PRRC2B: variants seen among roughly 807,000 people sequenced by gnomAD.
The protein encoded by PRRC2B is proline rich coiled-coil 2B, also known as protein PRRC2B.
In PRRC2B, 68 loss-of-function variants were observed where a neutral mutation model predicts 242.3. The ratio of observed to expected loss-of-function variants is 0.28; its 90% CI spans 0.23 to 0.34. The LOEUF (loss-of-function observed/expected upper bound fraction) is 0.34. Ranked by LOEUF, PRRC2B falls within the 10% of genes least tolerant of loss-of-function variation. PRRC2B has a pLI of 1.00. For synonymous variants in PRRC2B, 1,228 were observed against 1,173.6 expected (o/e 1.05, Z -0.95); for missense variants, 2,835 against 2,954.8 (o/e 0.96, Z 0.94).
In PRRC2B at chr9:131,477,854, C is replaced by G. The variant is rs770636319; in HGVS notation, c.4517C>G (p.Ala1506Gly). The G allele has an allele frequency of 6.2e-7, 1 of 1,613,910 alleles. No homozygotes were observed. Among genetic ancestry groups the G allele is most frequent in the Non-Finnish European group, 8.5e-7 (1 of 1,179,830 alleles). Residue 1506 changes from alanine (A) to glycine (G), a missense_variant, in exon 17 of 32, where the codon GCC becomes GGC. This residue lies in a region of PRRC2B where 1,536 missense variants were observed against 1,483.1 expected (regional missense o/e 1.04). Transcript: ENST00000683519. ...AAHASADLPE[A>G]SSKKAEKEAK... ...CATGCCAGTGCTGACCTTCCCGAAGCCTCCAGTAAAAAGGCAGAGAAGGAG... is the reference window on the plus strand; with the variant it reads ...CATGCCAGTGCTGACCTTCCCGAAGGCTCCAGTAAAAAGGCAGAGAAGGAG...
Position 131,459,258 on chromosome 9 carries a change from G to A in PRRC2B, c.1306G>A (p.Ala436Thr), listed in dbSNP as rs920899776. The A allele has an allele frequency of 1.2e-6, 2 of 1,613,878 alleles. No homozygotes were observed. Among genetic ancestry groups the A allele is most frequent in the Non-Finnish European group, 1.7e-6 (2 of 1,179,894 alleles). ...GACTCGAGAGGAAGGGAAGGACTGGGCTGAAGCAGTGGGTGCGTCCCGTGT... is the reference window on the plus strand; with the variant it reads ...GACTCGAGAGGAAGGGAAGGACTGGACTGAAGCAGTGGGTGCGTCCCGTGT... Reference protein sequence around the residue: ...KRTREEGKDWAEAVGASRVVR... With the variant: ...KRTREEGKDWTEAVGASRVVR... Residue 436 changes from alanine to threonine, a missense_variant, in exon 11 of 32, where the codon GCT becomes ACT. Transcript: ENST00000683519.
At chr9:131,452,890 A>G (rs1251823771) in intron 9 of PRRC2B, among the ~76,000 whole-genome samples, 1 of 152,198 alleles carries the variant, frequency 6.6e-6, no homozygotes, top group East Asian at 1.9e-4. Flanking sequence ...TTTGAAAAGT[A>G]TATATTCTAC....
At chr9:131,384,444 G>A (rs1030384701) in intron 1 of PRRC2B, among the ~76,000 whole-genome samples, 15 of 151,878 alleles carry the variant, frequency 9.9e-5, no homozygotes, top group Non-Finnish European at 1.9e-4. Flanking sequence ...CACCATGCCC[G>A]GCTAATTTTT....
chr9:131,420,470 T>TTTCTTTCTTTCTTTCTTTCC (rs1564278532), intron 1 of PRRC2B, among the ~76,000 whole-genome samples: 1 of 12,298 alleles, frequency 8.1e-5, no homozygotes, highest in African/African-American at 1.7e-4. Flanking sequence ...TCTTTCTTTC[T>TTTCTTTCTTTCTTTCTTTCC]TTCTTTCTTT....
chr9:131,454,535 G>T (rs992403574), intron 9 of PRRC2B, among the ~76,000 whole-genome samples: 2 of 152,208 alleles, frequency 1.3e-5, no homozygotes, highest in African/African-American at 4.8e-5. Flanking sequence ...AGTCACAGGG[G>T]TAGGCAGCCA....
intron 1 of PRRC2B, among the ~76,000 whole-genome samples, chr9:131,426,642 A>T (rs369046681): frequency 2.5e-4 from 38 of 152,266 alleles, no homozygotes; most frequent in African/African-American, 8.4e-4. Flanking sequence ...ACTGACTCCC[A>T]TTCTGAGCAT....
chr9:131,431,283 A>G (rs1375201108), intron 2 of PRRC2B, among the ~76,000 whole-genome samples: 1 of 151,938 alleles, frequency 6.6e-6, no homozygotes. Flanking sequence ...GGCGCCCACC[A>G]TCATGCCTGG....
In PRRC2B at chr9:131,498,545, C is replaced by G. The variant is rs191524564; in HGVS notation, c.*2671C>G. 6.6e-6 allele frequency: 1 copy of G among 152,228 alleles called. No homozygotes were observed. Among genetic ancestry groups the G allele is most frequent in the Non-Finnish European group, 1.5e-5 (1 of 68,050 alleles). 9.4% of individuals were successfully genotyped at this position (152,228 alleles called of 1,614,324 possible). A position where few individuals can be genotyped will look rare whatever the true frequency, so the allele number is the denominator to read the frequency against. On this transcript the variant is annotated 3_prime_UTR_variant, in exon 32 of 32. Coordinates refer to ENST00000683519, the MANE Select transcript of PRRC2B (RefSeq NM_013318.4). ...GTTTTAAGGTGCAATATATCTCTTC[C>G]TTTCCCGTGGTTTTAGAGCCAAGCT...
At chr9:131,448,543 C>CAAAAAAAAAAA (rs754661321) in intron 9 of PRRC2B, among the ~76,000 whole-genome samples, 588 of 39,872 alleles carry the variant, frequency 0.015, 181 homozygotes, top group Non-Finnish European at 0.016. Flanking sequence ...GACACTGTCT[C>CAAAAAAAAAAA]AAAAAAAAAA....
chr9:131,466,131 A>G (rs1943389353), intron 12 of PRRC2B, among the ~76,000 whole-genome samples: 1 of 152,252 alleles, frequency 6.6e-6, no homozygotes. Flanking sequence ...ATTTTCTTAA[A>G]TAAACTCAGA....
intron 11 of PRRC2B, among the ~76,000 whole-genome samples, chr9:131,461,624 C>T: frequency 6.6e-6 from 1 of 152,224 alleles, no homozygotes. Flanking sequence ...TCAGTGCAAC[C>T]TCTGCCTCCC....
At chr9:131,465,954 G>C (rs1383013681) in intron 12 of PRRC2B, among the ~76,000 whole-genome samples, 1 of 152,144 alleles carries the variant, frequency 6.6e-6, no homozygotes, top group Non-Finnish European at 1.5e-5. Context: ...GGAACTCCTG[G>C]CCTCAAGTGA....
intron 1 of PRRC2B, among the ~76,000 whole-genome samples, chr9:131,416,478 T>C (rs1837657289): frequency 6.6e-6 from 1 of 152,224 alleles, no homozygotes; most frequent in South Asian, 2.1e-4. Flanking sequence ...GGAGTTCCCA[T>C]ATAGCCTACT....
chr9:131,394,342 T>C (rs1201692447), intron 1 of PRRC2B, 79 bp downstream of exon 1: 2 of 144,710 alleles, frequency 1.4e-5, no homozygotes, highest in Non-Finnish European at 3.1e-5. Flanking sequence ...GGCCGGGCTT[T>C]GTCTCCCGCG....
chr9:131,454,686 A>AGT lies in PRRC2B; in HGVS notation c.1121-388_1121-387dup, dbSNP rs1161392032. ...AGTCTCGCTCTGTCGCCCAGGCTGG[A>AGT]GTGCAGTGGCATGATCTCGGCTCAC... On this transcript the variant is annotated intron_variant, in intron 9 of 31. Transcript: ENST00000683519. Among the ~76,000 whole-genome samples the AGT allele has an allele frequency of 4.0e-5, 6 of 150,172 alleles. 1 individual carries two copies. The highest frequency in any genetic ancestry group is 7.4e-5 in the Non-Finnish European group (5 of 67,700).
At chr9:131,422,577 A>T (rs968607363) in intron 1 of PRRC2B, among the ~76,000 whole-genome samples, 4 of 152,236 alleles carry the variant, frequency 2.6e-5, no homozygotes, top group African/African-American at 9.6e-5. Context: ...CTGGTCAGGC[A>T]TCTGACACTG....
rs906298381 is a variant in PRRC2B, at chr9:131,476,241, A to T, written c.4112A>T (p.Asn1371Ile). 6.2e-7 allele frequency: 1 copy of T among 1,612,734 alleles called. No homozygotes were observed. Among genetic ancestry groups the T allele is most frequent in the South Asian group, 1.1e-5 (1 of 90,954 alleles). ...LSYQNSSDHANEEWETASESS... is the reference protein window; with the variant it reads ...LSYQNSSDHAIEEWETASESS... ...TACCAGAACTCCTCCGATCACGCCAATGAGGAGTGGGAGACGGCCTCCGAA... is the reference window on the plus strand; with the variant it reads ...TACCAGAACTCCTCCGATCACGCCATTGAGGAGTGGGAGACGGCCTCCGAA... The change falls in exon 16 of 32, where the codon AAT becomes ATT. Residue 1371 changes from asparagine to isoleucine, a missense_variant. By Grantham distance (149) the Asn-to-Ile change is moderately radical. This residue lies in a region of PRRC2B where 1,536 missense variants were observed against 1,483.1 expected (regional missense o/e 1.04). Transcript: ENST00000683519.
chr9:131,374,231 C>G (rs1160479747), intron 1 of PRRC2B, among the ~76,000 whole-genome samples: 1 of 152,008 alleles, frequency 6.6e-6, no homozygotes, highest in African/African-American at 2.4e-5. Flanking sequence ...GAAAATCACT[C>G]GTCCATACTG....
rs1288372829 is a variant in PRRC2B, at chr9:131,492,027, G to A, written c.6382-142G>A. ...GTCTTCCATGAAACTGGGCCCTGGTGCCAAAAACCACTGCTCTATAAGATG... is the reference window on the plus strand; with the variant it reads ...GTCTTCCATGAAACTGGGCCCTGGTACCAAAAACCACTGCTCTATAAGATG... On this transcript the variant is annotated intron_variant, in intron 29 of 31. Coordinates refer to ENST00000683519, the MANE Select transcript of PRRC2B (RefSeq NM_013318.4). The A allele has an allele frequency of 2.4e-5, 16 of 657,910 alleles. No individual in the cohort carries two copies. In the East Asian group the frequency reaches 4.3e-4, roughly 18 times the overall value. 40.8% of individuals were successfully genotyped at this position (657,910 alleles called of 1,614,324 possible).
Sources: gnomAD v4.1 joint callset for allele counts (sites outside exome capture counted in the v4.1 genomes callset) on GRCh38, gnomAD v4.1.1 for gene constraint, gnomAD v4.1.1 regional missense constraint, MANE v1.5 for transcripts, NCBI Gene and HGNC (gene_info 2026-07-23, HGNC 2026-07-21) for gene names.